The following LSG1 variants were observed in gnomAD, a reference collection of about 807,000 sequenced individuals.
LSG1 encodes large subunit GTPase 1 homolog.
Under a neutral mutation model 82.6 loss-of-function variants are expected in LSG1, and 55 were observed. That is an observed-to-expected ratio of 0.67 (90% CI 0.54 to 0.83). The LOEUF (loss-of-function observed/expected upper bound fraction) is 0.83. Among genes scored for constraint, LSG1 ranks in the 40% least tolerant of loss-of-function variants. The pLI, the probability that LSG1 is intolerant of heterozygous loss-of-function variation, is 0.00. For missense variants in LSG1, 809 were observed against 807.9 expected (o/e 1.00, Z -0.02); for synonymous variants, 272 against 282.5 (o/e 0.96, Z 0.37).
chr3:194,672,118 G>T lies in LSG1; in HGVS notation c.45C>A (p.Ala15=). 1 of 1,608,606 alleles carries T rather than the reference G, an allele frequency of 6.2e-7. No individual in the cohort carries two copies. The change falls in exon 1 of 14, where the codon GCC becomes GCA. Residue 15 remains alanine, a synonymous_variant. Coordinates refer to ENST00000265245, the MANE Select transcript of LSG1 (RefSeq NM_018385.3). The part of the protein sequence containing the change: ...RAPAGGSLGR[A]LMRHQTQRSR... ...TCCGCTGAGTCTGATGGCGCATAAG[G>T]GCCCGTCCCAGCGACCCACCGGCCG... is the stretch of plus-strand genomic sequence containing the variant.
At position 194,642,094 on chromosome 3, in the gene LSG1, T is replaced by C. The variant is rs1271788531; in HGVS notation, c.1951A>G (p.Arg651Gly). The C allele has an allele frequency of 1.9e-6, 3 of 1,612,856 alleles. No individual in the cohort carries two copies. The African/African-American group carries it at 4.0e-5, about 22-fold the overall frequency. Residue 651 changes from arginine to glycine, a missense_variant, in exon 14 of 14, where the codon AGA (arginine) becomes GGA (glycine). Arg to Gly is a moderately radical substitution (Grantham distance 125). Transcript: ENST00000265245. ...CACATATCCAGGTGCTTGTAGAGTC[T>C]ACGACTTTTTTCTTTTTTATTTCTG... ...GNRNKKEKSR[R>G]LYKHLDM is the part of the protein sequence containing the mutation.
chr3:194,660,641 C>A, intron 5 of LSG1: 1 of 309,086 alleles, frequency 3.2e-6, no homozygotes, highest in Non-Finnish European at 6.5e-6. Context: ...TTATTTAAAC[C>A]CAGGAATAAG....
In LSG1 at chr3:194,642,073, T is replaced by C. The variant is rs1447180029; in HGVS notation, c.1972A>G (p.Met658Val). ...ATTTCTGTTGCAGCCCAACCTCACA[T>C]ATCCAGGTGCTTGTAGAGTCTACGA... ...KSRRLYKHLD[M>V] Residue 658 changes from methionine to valine, a missense_variant, in exon 14 of 14, where the codon ATG becomes GTG. Transcript: ENST00000265245. 3 of 1,612,036 alleles carry C rather than the reference T, an allele frequency of 1.9e-6. No individual in the cohort carries two copies. The highest frequency in any genetic ancestry group is 1.3e-5 in the African/African-American group (1 of 74,778).
chr3:194,670,258 A>G (rs771586969), intron 1 of LSG1, 123 bp from the exon 2 acceptor site: 83 of 845,264 alleles, frequency 9.8e-5, no homozygotes, highest in Non-Finnish European at 1.4e-4. Flanking sequence ...TTTAGAATCA[A>G]TACTACTTAT....
Position 194,666,255 on chromosome 3 carries a change from GTTC to G in LSG1, c.379_381del (p.Glu127del), listed in dbSNP as rs566772355. ...AAGTTATCTTTCTCTGCTTGTTTGA[GTTC>G]TTCTGGGGTAGTATTTTGGTTCCAG... On this transcript the variant is annotated inframe_deletion, in exon 4 of 14. Transcript: ENST00000265245. The G allele has an allele frequency of 4.5e-3, 7,213 of 1,614,062 alleles. 35 individuals are homozygous for G. The highest frequency in any genetic ancestry group is 5.2e-3 in the Non-Finnish European group (6,158 of 1,179,974).
intron 7 of LSG1, among the ~76,000 whole-genome samples, chr3:194,653,583 G>A (rs1718729622): frequency 6.6e-6 from 1 of 152,020 alleles, no homozygotes; most frequent in Non-Finnish European, 1.5e-5. Context: ...AACACAGGGA[G>A]GAGACAACGA....
intron 5 of LSG1, among the ~76,000 whole-genome samples, chr3:194,662,026 T>G (rs1718943387): frequency 6.6e-6 from 1 of 152,104 alleles, no homozygotes; most frequent in Non-Finnish European, 1.5e-5. Context: ...CCCATTAGGA[T>G]AAAGAGAAAG....
chr3:194,669,869 T>C, intron 2 of LSG1, 140 bp downstream of exon 2: 1 of 912,010 alleles, frequency 1.1e-6, no homozygotes, highest in Non-Finnish European at 1.6e-6. Flanking sequence ...GAGGCGGAGC[T>C]GCAGTGAGCT....
chr3:194,656,727 A>T (rs1718797301), intron 7 of LSG1, among the ~76,000 whole-genome samples: 1 of 152,066 alleles, frequency 6.6e-6, no homozygotes, highest in Admixed American at 6.6e-5. Context: ...TATTCACAAT[A>T]GCAAAGACTT....
chr3:194,667,675 G>A (rs1356159334), intron 2 of LSG1, among the ~76,000 whole-genome samples: 2 of 151,718 alleles, frequency 1.3e-5, no homozygotes, highest in South Asian at 2.1e-4. Context: ...TGTAATCCCA[G>A]CACTTTGGGA....
chr3:194,655,809 A>C (rs1244855226), intron 7 of LSG1, among the ~76,000 whole-genome samples: 1 of 152,202 alleles, frequency 6.6e-6, no homozygotes, highest in Non-Finnish European at 1.5e-5. Context: ...AGAGATATAG[A>C]CCAATGGAAC....
At chr3:194,653,771 C>T (rs1287518696) in intron 7 of LSG1, among the ~76,000 whole-genome samples, 3 of 152,178 alleles carry the variant, frequency 2.0e-5, no homozygotes, top group South Asian at 2.1e-4. Context: ...TGCTACGGCT[C>T]ACGCCTGTAA....
Position 194,641,928 on chromosome 3 carries a change from A to G in LSG1, c.*140T>C. The G allele has an allele frequency of 1.2e-6, 1 of 837,664 alleles. No homozygotes were observed. The highest frequency in any genetic ancestry group is 2.6e-5 in the East Asian group (1 of 38,640). 51.9% of individuals were successfully genotyped at this position (837,664 alleles called of 1,614,324 possible). ...GGAGGCCCTTGGTCTTGACATGGAG[A>G]CTGTTGGGTGCAGCCGTGCTCTGCA... On this transcript the variant is annotated 3_prime_UTR_variant, in exon 14 of 14. Transcript: ENST00000265245.
At chr3:194,653,212 G>A in intron 7 of LSG1, 70 bp from the exon 8 acceptor site, 1 of 1,470,736 alleles carries the variant, frequency 6.8e-7, no homozygotes, top group Non-Finnish European at 9.3e-7. Context: ...TACTTAATGA[G>A]TTGTAAGATG....
chr3:194,652,819 G>A lies in LSG1; in HGVS notation c.1083C>T (p.Ser361=), dbSNP rs1718703706. Residue 361 remains serine, a synonymous_variant, in exon 8 of 14, where the codon AGC becomes AGT. Transcript: ENST00000265245. ...GTAACTCCTGCTTGGATACCAGATG[G>A]CTAAAATTGTGTATCTGCCTCTTCT... ...TPQKRQIHNF[S]HLVSKQELLE... The A allele has an allele frequency of 6.2e-7, 1 of 1,614,110 alleles. No homozygotes were observed. Among genetic ancestry groups the A allele is most frequent in the African/African-American group, 1.3e-5 (1 of 75,008 alleles).
At chr3:194,657,164 A>G (rs1357728506) in intron 7 of LSG1, among the ~76,000 whole-genome samples, 1 of 132,852 alleles carries the variant, frequency 7.5e-6, no homozygotes, top group African/African-American at 2.8e-5. Context: ...TAAAATTAAA[A>G]AGAAAAAAAA....
At chr3:194,668,843 A>T (rs1467380703) in intron 2 of LSG1, among the ~76,000 whole-genome samples, 1 of 152,250 alleles carries the variant, frequency 6.6e-6, no homozygotes, top group Non-Finnish European at 1.5e-5. Context: ...AACGTGGTAT[A>T]TGTAGTATAC....
Position 194,659,942 on chromosome 3 carries a change from G to A in LSG1, c.582+131C>T, listed in dbSNP as rs1018150561. ...TGGCGTTCTGCAAGCTCCTGGCCTT[G>A]GAAGGAGGGAAGGCCTCACTAAACG... On this transcript the variant is annotated intron_variant, in intron 6 of 13. Transcript: ENST00000265245. The A allele has an allele frequency of 5.6e-6, 4 of 711,386 alleles. No individual in the cohort carries two copies. The South Asian group carries it at 6.4e-5, about 11-fold the overall frequency. 44.1% of individuals were successfully genotyped at this position (711,386 alleles called of 1,614,324 possible).
rs1451885769 is a variant in LSG1 at position 194,645,553 on chromosome 3, C to CAGACAG, written c.1623+610_1623+611insCTGTCT. Among the ~76,000 whole-genome samples, 50 of 45,436 alleles carry CAGACAG rather than the reference C, an allele frequency of 1.1e-3. 4 individuals carry two copies. Among genetic ancestry groups the CAGACAG allele is most frequent in the Admixed American group, 6.5e-3 (25 of 3,846 alleles). 29.8% of individuals were successfully genotyped at this position (45,436 alleles called of 152,430 possible). A position where few individuals can be genotyped will look rare whatever the true frequency, so the allele number is the denominator to read the frequency against. On this transcript the variant is annotated intron_variant, in intron 12 of 13. Coordinates refer to ENST00000265245, the MANE Select transcript of LSG1 (RefSeq NM_018385.3). ...ACAGACAGACACACACACACACACACACACACACACACACACAGACAGACA... is the reference window on the plus strand; with the variant it reads ...ACAGACAGACACACACACACACACACAGACAGACACACACACACACACAGACAGACA...
Sources: gnomAD v4.1 joint callset for allele counts (sites outside exome capture counted in the v4.1 genomes callset) on GRCh38, gnomAD v4.1.1 for gene constraint, MANE v1.5 for transcripts, NCBI Gene and HGNC (gene_info 2026-07-23, HGNC 2026-07-21) for gene names.